TCF20: variants seen among roughly 807,000 people sequenced by gnomAD.
TCF20 encodes SPRE-binding protein.
Under a neutral mutation model 148.6 loss-of-function variants are expected in TCF20, and 3 were observed. The observed-to-expected ratio is 0.02, with a 90% CI of 0.01 to 0.05. The LOEUF is 0.05. Among genes scored for constraint, TCF20 ranks in the 10% least tolerant of loss-of-function variants. The pLI, the probability that TCF20 is intolerant of heterozygous loss-of-function variation, is 1.00. For missense variants in TCF20, 2,350 were observed against 2,429.3 expected (o/e 0.97, Z 0.69); for synonymous variants, 1,049 against 909.5 (o/e 1.15, Z -2.76).
At chr22:42,266,797 A>G (rs1387752169) in intron 1 of TCF20, among the ~76,000 whole-genome samples, 1 of 152,202 alleles carries the variant, frequency 6.6e-6, no homozygotes, top group Non-Finnish European at 1.5e-5. Flanking sequence ...CAAACAAAAA[A>G]GTATACCACT....
rs1172126314 is a variant in TCF20, at chr22:42,290,680, C to T, written c.-37+52799G>A. 6.6e-6 allele frequency among the ~76,000 whole-genome samples: 1 copy of T among 152,000 alleles called. No individual in the cohort carries two copies. The highest frequency in any genetic ancestry group is 1.5e-5 in the Non-Finnish European group (1 of 67,988). On this transcript the variant is annotated intron_variant, in intron 1 of 1. Coordinates refer to the TCF20 transcript ENST00000515426. The surrounding 1 kb of genome is among the most constrained non-coding windows in gnomAD (Gnocchi z 4.2). ...CACTCGCTGTGGCTGCAGCATACAC[C>T]GCTGGGCCTGCCCCTTCAGCGTTGG...
At chr22:42,289,896 C>T (rs1927101340) in intron 1 of TCF20, among the ~76,000 whole-genome samples, 1 of 152,236 alleles carries the variant, frequency 6.6e-6, no homozygotes, top group Non-Finnish European at 1.5e-5. Context: ...CTGCGGACCC[C>T]GGAGGCTGCT....
In TCF20 at chr22:42,177,467, G is replaced by A. The variant is rs575859087; in HGVS notation, c.5749+2142C>T. 4.6e-5 allele frequency among the ~76,000 whole-genome samples: 7 copies of A among 152,196 alleles called. No individual in the cohort carries two copies. In the South Asian group the frequency reaches 6.2e-4, roughly 14 times the overall value. ...ACTTGAAATTAACACCCACCTTGCCGCCAAAAAAGTAACTGGGGAAAACAC... is the reference window on the plus strand; with the variant it reads ...ACTTGAAATTAACACCCACCTTGCCACCAAAAAAGTAACTGGGGAAAACAC... On this transcript the variant is annotated intron_variant, in intron 3 of 5. Transcript: ENST00000677622.
chr22:42,295,442 C>CTTT (rs869294446), intron 1 of TCF20, among the ~76,000 whole-genome samples: 2 of 134,632 alleles, frequency 1.5e-5, no homozygotes, highest in East Asian at 2.1e-4. Flanking sequence ...GTTTTCTTTT[C>CTTT]TTTTTTTTTT....
chr22:42,271,297 C>T (rs182062335), upstream of TCF20, among the ~76,000 whole-genome samples: 1 of 152,348 alleles, frequency 6.6e-6, no homozygotes, highest in Non-Finnish European at 1.5e-5. Flanking sequence ...GCCCACCTAC[C>T]TCACCTGTAA....
At chr22:42,316,444 G>A (rs1163462707) in intron 1 of TCF20, among the ~76,000 whole-genome samples, 1 of 152,160 alleles carries the variant, frequency 6.6e-6, no homozygotes, top group Admixed American at 6.5e-5. Flanking sequence ...ACATACTCAA[G>A]GAGACAGACT....
upstream of TCF20, among the ~76,000 whole-genome samples, chr22:42,287,292 A>T (rs1449181815): frequency 6.6e-6 from 1 of 152,138 alleles, no homozygotes; most frequent in Non-Finnish European, 1.5e-5. Flanking sequence ...AAGGCCAACA[A>T]AGAAACCAGA....
At position 42,212,154 on chromosome 22, in the gene TCF20, G is replaced by A. The variant is rs1279681439; in HGVS notation, c.3152C>T (p.Pro1051Leu). 16 of 1,614,092 alleles carry A rather than the reference G, an allele frequency of 9.9e-6. No homozygotes were observed. Among genetic ancestry groups the A allele is most frequent in the Non-Finnish European group, 1.3e-5 (15 of 1,180,042 alleles). ...ERANRSSLHTPFSPNSETLAS... is the reference protein window; with the variant it reads ...ERANRSSLHTLFSPNSETLAS... ...CAGGGTTTCTGAGTTGGGAGAAAAGGGAGTGTGTAAAGAACTCCGGTTAGC... is the reference window on the plus strand; with the variant it reads ...CAGGGTTTCTGAGTTGGGAGAAAAGAGAGTGTGTAAAGAACTCCGGTTAGC... Residue 1051 changes from proline (P) to leucine (L), a missense_variant, in exon 2 of 6, where the codon CCC becomes CTC. Around this residue, in one of 7 missense-constraint regions of TCF20, gnomAD observed 1,641 missense variants for 1,662.6 expected, o/e 0.99. Coordinates refer to ENST00000677622, the MANE Select transcript of TCF20 (RefSeq NM_001378418.1).
chr22:42,281,316 C>A (rs2147016726), intron 1 of TCF20, among the ~76,000 whole-genome samples: 1 of 152,292 alleles, frequency 6.6e-6, no homozygotes, highest in African/African-American at 2.4e-5. Context: ...TTTGCAAGAT[C>A]CTGAAAACGG....
intron 2 of TCF20, among the ~76,000 whole-genome samples, chr22:42,198,797 G>C (rs1304357336): frequency 6.6e-6 from 1 of 152,016 alleles, no homozygotes; most frequent in Admixed American, 6.6e-5. Flanking sequence ...GAGTAGCTGG[G>C]ACTACAGGCG....
intron 1 of TCF20, among the ~76,000 whole-genome samples, chr22:42,246,438 T>C (rs1246495721): frequency 6.6e-6 from 1 of 152,174 alleles, no homozygotes; most frequent in Non-Finnish European, 1.5e-5. Flanking sequence ...ACCTACATTG[T>C]TTCTCCTGGC....
At chr22:42,273,635 TA>T (rs56275745), upstream of TCF20, among the ~76,000 whole-genome samples, 20 of 144,560 alleles carry the variant, frequency 1.4e-4, no homozygotes, top group South Asian at 2.2e-4. Context: ...GAAAGAACAG[TA>T]AAAAAAAAAA....
At chr22:42,229,077 A>T (rs896521699) in intron 1 of TCF20, among the ~76,000 whole-genome samples, 1 of 152,144 alleles carries the variant, frequency 6.6e-6, no homozygotes, top group South Asian at 2.1e-4. Flanking sequence ...CCCTGCAATC[A>T]CTCTATCATT....
In TCF20 at chr22:42,298,236, T is replaced by C. The variant is rs936036370; in HGVS notation, c.-37+45243A>G. On this transcript the variant is annotated intron_variant, in intron 1 of 1. Transcript: ENST00000515426. Reference sequence around the variant, plus strand: ...AGCTTCCAGCGACTCATCCAAGAACTGAGATGGAGCAGGGGATGAGTGAGG... The same window carrying C: ...AGCTTCCAGCGACTCATCCAAGAACCGAGATGGAGCAGGGGATGAGTGAGG... Among the ~76,000 whole-genome samples the C allele has an allele frequency of 2.0e-5, 3 of 151,852 alleles. No individual in the cohort carries two copies. The South Asian group carries it at 6.2e-4, about 32-fold the overall frequency.
intron 1 of TCF20, among the ~76,000 whole-genome samples, chr22:42,304,726 G>C (rs947480540): frequency 2.6e-5 from 4 of 152,136 alleles, no homozygotes; most frequent in Admixed American, 1.3e-4. Context: ...GCCCAGGGTG[G>C]TGAGAAGCTG....
intron 1 of TCF20, among the ~76,000 whole-genome samples, chr22:42,239,331 C>A (rs764861044): frequency 1.2e-4 from 18 of 151,890 alleles, no homozygotes; most frequent in Admixed American, 7.9e-4. Context: ...ACAAAATTAG[C>A]AGGGCGTGAT....
chr22:42,294,625 C>T (rs951864435), intron 1 of TCF20, among the ~76,000 whole-genome samples: 3 of 152,186 alleles, frequency 2.0e-5, no homozygotes, highest in Admixed American at 6.5e-5. Context: ...TTTTCAACAG[C>T]GGCCACTGAT....
rs1276060537 is a variant in TCF20 at position 42,212,697 on chromosome 22, A to T, written c.2609T>A (p.Ile870Asn). 1 of 1,614,212 alleles carries T rather than the reference A, an allele frequency of 6.2e-7. No individual in the cohort carries two copies. The highest frequency in any genetic ancestry group is 2.2e-5 in the East Asian group (1 of 44,884). The change falls in exon 2 of 6, where the codon ATT becomes AAT. Residue 870 changes from isoleucine (I) to asparagine (N), a missense_variant. Ile to Asn is a moderately radical substitution (Grantham distance 149, BLOSUM62 -3). Coordinates refer to ENST00000677622, the MANE Select transcript of TCF20 (RefSeq NM_001378418.1). ...CCTGACAATCTGTCTTAGTGGAGAAATATCACAGATCACTGATCTTCTTTC... is the reference window on the plus strand; with the variant it reads ...CCTGACAATCTGTCTTAGTGGAGAATTATCACAGATCACTGATCTTCTTTC... ...LSERRSVICD[I>N]SPLRQIVRDP...
rs529739492 is a variant in TCF20, at chr22:42,236,536, T to C, written c.-36-21195A>G. 1.5e-4 allele frequency among the ~76,000 whole-genome samples: 23 copies of C among 152,350 alleles called. No homozygotes were observed. In the South Asian group the frequency reaches 4.8e-3, roughly 32 times the overall value. On this transcript the variant is annotated intron_variant, in intron 1 of 5. Coordinates refer to ENST00000677622, the MANE Select transcript of TCF20 (RefSeq NM_001378418.1). ...GACAGTGGCCTGACAGTTGGAGCTCTACTTGGAGGCAGATGGCCTCTAAAG... is the reference window on the plus strand; with the variant it reads ...GACAGTGGCCTGACAGTTGGAGCTCCACTTGGAGGCAGATGGCCTCTAAAG...
Sources: gnomAD v4.1 joint callset for allele counts (sites outside exome capture counted in the v4.1 genomes callset) on GRCh38, gnomAD v4.1.1 for gene constraint, gnomAD v4.1.1 regional missense constraint, Gnocchi (gnomAD v3.1) non-coding constraint, MANE v1.5 for transcripts, NCBI Gene and HGNC (gene_info 2026-07-23, HGNC 2026-07-21) for gene names.